The following FAM227B variants were observed in gnomAD, a reference collection of about 807,000 sequenced individuals.
FAM227B encodes the protein family with sequence similarity 227 member B, also known as protein FAM227B.
FAM227B carries 88 observed loss-of-function variants against 73.8 expected under a neutral mutation model. The ratio of observed to expected loss-of-function variants is 1.19; its 90% CI spans 1.00 to 1.42. The LOEUF is 1.42. Ranked by LOEUF, FAM227B falls within the 40% of genes most tolerant of loss-of-function variation. FAM227B has a pLI of 0.00. For synonymous variants in FAM227B, 210 were observed against 190.5 expected, an observed-to-expected ratio of 1.10 and a Z score of -0.84; for missense variants, 632 against 590.9, an observed-to-expected ratio of 1.07 and a Z score of -0.72.
At chr15:49,559,380 A>G (rs1340735071) in intron 9 of FAM227B, among the ~76,000 whole-genome samples, 1 of 152,088 alleles carries the variant, frequency 6.6e-6, no homozygotes, top group East Asian at 1.9e-4. Flanking sequence ...AGGTACTCCA[A>G]TGTCCAGTCC....
intron 13 of FAM227B, chr15:49,365,093 A>T: frequency 1.6e-6 from 1 of 627,310 alleles, no homozygotes; most frequent in South Asian, 2.1e-5. Context: ...TAGAAAATCA[A>T]TGACACATTA....
At chr15:49,410,972 G>C (rs2048833964) in intron 11 of FAM227B, among the ~76,000 whole-genome samples, 1 of 143,200 alleles carries the variant, frequency 7.0e-6, no homozygotes, top group Non-Finnish European at 1.5e-5. Flanking sequence ...GTGTGTGTGT[G>C]TGTGTGTGTA....
In FAM227B at chr15:49,328,174, TCTGAG is replaced by T; in HGVS notation, c.*389_*393del. The stretch of plus-strand genomic sequence containing the variant: ...TTGAGGCCTGAAAAAATGTAAAAAG[TCTGAG>T]AGAAACTACTTAGGGCACTTAGGAA... On this transcript the variant is annotated 3_prime_UTR_variant, in exon 16 of 16. Transcript: ENST00000299338. 1 of 1,607,280 alleles carries T rather than the reference TCTGAG, an allele frequency of 6.2e-7. No homozygotes were observed. Among genetic ancestry groups the T allele is most frequent in the Non-Finnish European group, 8.5e-7 (1 of 1,176,446 alleles).
chr15:49,345,803 A>G (rs964438517), intron 13 of FAM227B, among the ~76,000 whole-genome samples: 1 of 152,216 alleles, frequency 6.6e-6, no homozygotes, highest in Non-Finnish European at 1.5e-5. Context: ...ACAGAATATT[A>G]GAGAAACAAA....
intron 11 of FAM227B, chr15:49,424,240 T>C (rs2049932513): frequency 6.8e-7 from 1 of 1,477,106 alleles, no homozygotes; most frequent in East Asian, 2.3e-5. Flanking sequence ...GGAGTAACAA[T>C]CAACTCAAGA....
intron 11 of FAM227B, among the ~76,000 whole-genome samples, chr15:49,440,300 C>A (rs1173142531): frequency 1.3e-5 from 2 of 151,540 alleles, no homozygotes; most frequent in African/African-American, 4.8e-5. Flanking sequence ...TTTTGTTCTC[C>A]CACCAAATGT....
At chr15:49,571,651 G>A (rs1405717085) in intron 8 of FAM227B, among the ~76,000 whole-genome samples, 2 of 151,868 alleles carry the variant, frequency 1.3e-5, no homozygotes, top group Non-Finnish European at 2.9e-5. Context: ...AAACCAATTA[G>A]TTGTAAACGC....
At chr15:49,575,141 A>G in intron 7 of FAM227B, 32 bp from the exon 8 acceptor site, 1 of 1,137,966 alleles carries the variant, frequency 8.8e-7, no homozygotes, top group Non-Finnish European at 1.3e-6. Context: ...AGATGCATGG[A>G]GATTAAAATA....
intron 11 of FAM227B, among the ~76,000 whole-genome samples, chr15:49,468,529 T>C (rs1472232138): frequency 2.6e-5 from 4 of 152,148 alleles, no homozygotes; most frequent in Non-Finnish European, 5.9e-5. Flanking sequence ...ACGACAAGAT[T>C]AGTATTATCA....
At chr15:49,470,527 A>C (rs1355565524) in intron 11 of FAM227B, among the ~76,000 whole-genome samples, 1 of 151,956 alleles carries the variant, frequency 6.6e-6, no homozygotes. Context: ...ACACATTATC[A>C]CTCCCACCTA....
intron 8 of FAM227B, among the ~76,000 whole-genome samples, chr15:49,570,918 T>A (rs1382423656): frequency 2.0e-5 from 3 of 147,828 alleles, no homozygotes; most frequent in Admixed American, 6.8e-5. Flanking sequence ...ATATTTAATA[T>A]TACACATTAA....
chr15:49,558,982 C>T (rs1208255611), intron 9 of FAM227B, among the ~76,000 whole-genome samples: 1 of 151,890 alleles, frequency 6.6e-6, no homozygotes, highest in Non-Finnish European at 1.5e-5. Flanking sequence ...CTGGCAAAGA[C>T]GTGAGCCATA....
At chr15:49,430,158 C>T (rs1176177876) in intron 11 of FAM227B, among the ~76,000 whole-genome samples, 2 of 151,850 alleles carry the variant, frequency 1.3e-5, no homozygotes, top group African/African-American at 2.4e-5. Flanking sequence ...TGGAAATGTA[C>T]GTGATGATAG....
intron 11 of FAM227B, among the ~76,000 whole-genome samples, chr15:49,438,425 G>A (rs1289587430): frequency 6.6e-5 from 10 of 151,674 alleles, no homozygotes; most frequent in Admixed American, 1.3e-4. Context: ...CCCAGTCTTT[G>A]ATACAGGGAT....
chr15:49,363,364 T>C (rs1426347845), intron 13 of FAM227B, among the ~76,000 whole-genome samples: 1 of 152,174 alleles, frequency 6.6e-6, no homozygotes, highest in Non-Finnish European at 1.5e-5. Context: ...TATTCCTAGG[T>C]ATTTTATTCT....
chr15:49,508,238 C>T lies in FAM227B; in HGVS notation c.985G>A (p.Ala329Thr). ...GTTGATATATGTTCTTGACTGTCTG[C>T]AATTCTTTCCTTTACTGATTTTGCA... ...APAKSVKERI[A>T]DSQEHISTSI... Residue 329 changes from alanine (A) to threonine (T), a missense_variant, in exon 11 of 16, where the codon GCA becomes ACA. By Grantham distance (58) the Ala-to-Thr change is moderately conservative. Coordinates refer to ENST00000299338, the MANE Select transcript of FAM227B (RefSeq NM_152647.3). The T allele has an allele frequency of 6.2e-7, 1 of 1,610,486 alleles. No individual in the cohort carries two copies. The highest frequency in any genetic ancestry group is 8.5e-7 in the Non-Finnish European group (1 of 1,178,438).
intron 11 of FAM227B, among the ~76,000 whole-genome samples, chr15:49,437,971 A>G (rs2051266697): frequency 1.3e-5 from 2 of 151,698 alleles, no homozygotes; most frequent in African/African-American, 4.8e-5. Context: ...GTGGGAGTGA[A>G]TCAGGCTAGA....
At chr15:49,430,597 C>A (rs1270068434) in intron 11 of FAM227B, among the ~76,000 whole-genome samples, 1 of 151,696 alleles carries the variant, frequency 6.6e-6, no homozygotes, top group Non-Finnish European at 1.5e-5. Context: ...CTGGGAAGTC[C>A]AATATCAAGG....
intron 11 of FAM227B, among the ~76,000 whole-genome samples, chr15:49,460,867 T>C (rs1352907724): frequency 1.3e-5 from 2 of 152,224 alleles, no homozygotes; most frequent in Non-Finnish European, 2.9e-5. Flanking sequence ...TTATGTTTTG[T>C]TTTGTCTTTT....
Sources: gnomAD v4.1 joint callset for allele counts (sites outside exome capture counted in the v4.1 genomes callset) on GRCh38, gnomAD v4.1.1 for gene constraint, MANE v1.5 for transcripts, NCBI Gene and HGNC (gene_info 2026-07-23, HGNC 2026-07-21) for gene names.